Variants in PIAS4 observed in about 807,000 individuals in gnomAD.
PIAS4 encodes the protein E3 SUMO-protein ligase PIAS4.
In PIAS4, 7 loss-of-function variants were observed where a neutral mutation model predicts 58.0. The ratio of observed to expected loss-of-function variants is 0.12; its 90% CI spans 0.07 to 0.23. PIAS4 has a LOEUF of 0.23. Ranked by LOEUF, PIAS4 falls within the 10% of genes least tolerant of loss-of-function variation. PIAS4 has a pLI of 1.00. For missense variants in PIAS4, 550 were observed against 709.5 expected, an observed-to-expected ratio of 0.78 and a Z score of 2.55; for synonymous variants, 364 against 312.4, an observed-to-expected ratio of 1.17 and a Z score of -1.74.
At chr19:4,031,219 CAGA>C (rs2040219855) in intron 7 of PIAS4, among the ~76,000 whole-genome samples, 1 of 152,190 alleles carries the variant, frequency 6.6e-6, no homozygotes, top group Admixed American at 6.5e-5. Flanking sequence ...CCTGGGTGTC[CAGA>C]AGCCTGGAGC....
At chr19:4,015,857 G>A (rs756591407) in intron 2 of PIAS4, among the ~76,000 whole-genome samples, 5 of 152,228 alleles carry the variant, frequency 3.3e-5, no homozygotes, top group South Asian at 2.1e-4. Flanking sequence ...CGCGCCAGGC[G>A]GACAGGAGCC....
intron 8 of PIAS4, 68 bp from the exon 9 acceptor site, chr19:4,033,352 G>A: frequency 1.4e-6 from 2 of 1,451,970 alleles, no homozygotes; most frequent in African/African-American, 1.4e-5. Context: ...TGGAGCTGGG[G>A]GTGAGGGGCA....
At chr19:4,020,325 G>A (rs1023386653) in intron 2 of PIAS4, among the ~76,000 whole-genome samples, 1 of 152,144 alleles carries the variant, frequency 6.6e-6, no homozygotes, top group Non-Finnish European at 1.5e-5. Context: ...CCACACCACT[G>A]TGTGCACTGC....
intron 7 of PIAS4, among the ~76,000 whole-genome samples, chr19:4,031,351 G>T (rs2040221063): frequency 6.6e-6 from 1 of 152,216 alleles, no homozygotes; most frequent in East Asian, 1.9e-4. Context: ...GGACGTGGAG[G>T]GTGAGGGGTC....
Position 4,037,972 on chromosome 19 carries a change from T to C in PIAS4, c.*97T>C, listed in dbSNP as rs2040319615. On this transcript the variant is annotated 3_prime_UTR_variant, in exon 11 of 11. Coordinates refer to ENST00000262971, the MANE Select transcript of PIAS4 (RefSeq NM_015897.4). This position sits in a 1 kb window ranked among gnomAD's most constrained non-coding sequence, Gnocchi z 5.8. ...GAGGAGTGACCTTTCTTTTTCTTTT[T>C]ATTGTCGTTCGTTTTGTTTTTCCAC... is the stretch of plus-strand genomic sequence containing the variant. 2 of 1,323,150 alleles carry C rather than the reference T, an allele frequency of 1.5e-6. No individual in the cohort carries two copies. The highest frequency in any genetic ancestry group is 1.4e-5 in the South Asian group (1 of 73,278). The allele number at this position is 1,323,150 out of a possible 1,614,324, so 82.0% of individuals were successfully genotyped here. A position where few individuals can be genotyped will look rare whatever the true frequency, so the allele number is the denominator to read the frequency against.
At chr19:4,026,487 T>C (rs1340815497) in intron 3 of PIAS4, among the ~76,000 whole-genome samples, 1 of 151,864 alleles carries the variant, frequency 6.6e-6, no homozygotes, top group African/African-American at 2.4e-5. Flanking sequence ...ATATACAGTT[T>C]TTAAGGGTGT....
chr19:4,033,275 G>T, intron 8 of PIAS4, 102 bp downstream of exon 8: 1 of 1,372,310 alleles, frequency 7.3e-7, no homozygotes, highest in Non-Finnish European at 1.0e-6. Flanking sequence ...GTGAGCCTGC[G>T]GGGGCGAGGC....
At position 4,039,206 on chromosome 19, in the gene PIAS4, C is replaced by G. The variant is rs1186242358; in HGVS notation, c.*1331C>G. 1.3e-5 allele frequency: 2 copies of G among 152,176 alleles called. No individual in the cohort carries two copies. Among genetic ancestry groups the G allele is most frequent in the African/African-American group, 4.8e-5 (2 of 41,354 alleles). 9.4% of individuals were successfully genotyped at this position (152,176 alleles called of 1,614,324 possible). A position where few individuals can be genotyped will look rare whatever the true frequency, so the allele number is the denominator to read the frequency against. Reference sequence around the variant, plus strand: ...GTCAGGAAGCAATATCATTTCAGGTCTAAAGAAAGGGACGTGCATCTGGCC... The same window carrying G: ...GTCAGGAAGCAATATCATTTCAGGTGTAAAGAAAGGGACGTGCATCTGGCC... On this transcript the variant is annotated 3_prime_UTR_variant, in exon 11 of 11. Transcript: ENST00000262971.
Position 4,037,277 on chromosome 19 carries a change from G to A in PIAS4, c.1143-97G>A. 6.9e-7 allele frequency: 1 copy of A among 1,445,012 alleles called. No individual in the cohort carries two copies. Among genetic ancestry groups the A allele is most frequent in the Non-Finnish European group, 9.3e-7 (1 of 1,074,756 alleles). The allele number at this position is 1,445,012 out of a possible 1,614,324, so 89.5% of individuals were successfully genotyped here. On this transcript the variant is annotated intron_variant, in intron 9 of 10. Transcript: ENST00000262971. This position sits in a 1 kb window ranked among gnomAD's most constrained non-coding sequence, Gnocchi z 5.8. ...TGAGGCTGCTCTTGCAGAGAGAAGT[G>A]GGGAGTGCCTGGCTGCATCCGGGAG...
At chr19:4,015,379 G>A (rs761150664) in intron 2 of PIAS4, among the ~76,000 whole-genome samples, 1 of 152,134 alleles carries the variant, frequency 6.6e-6, no homozygotes, top group Admixed American at 6.5e-5. Context: ...CAGGGACCCC[G>A]GTCACCTGAT....
At chr19:4,036,013 T>TCA (rs146232483) in intron 9 of PIAS4, among the ~76,000 whole-genome samples, 1 of 6,470 alleles carries the variant, frequency 1.5e-4, no homozygotes, top group African/African-American at 4.4e-4. Context: ...GTCCACACCT[T>TCA]CACACATCCA....
Position 4,027,653 on chromosome 19 carries a change from TG to T in PIAS4, c.540-490del, listed in dbSNP as rs377169618. Among the ~76,000 whole-genome samples, 655 of 147,500 alleles carry T rather than the reference TG, an allele frequency of 4.4e-3. 4 individuals carry two copies. Among genetic ancestry groups the T allele is most frequent in the African/African-American group, 0.016 (636 of 40,344 alleles). On this transcript the variant is annotated intron_variant, in intron 3 of 10. Transcript: ENST00000262971. ...TCATAGCTTGCAGCCTGTGCCTCCATGGGTTCAGACGATCCCCCTGCCTCAG... is the reference window on the plus strand; with the variant it reads ...TCATAGCTTGCAGCCTGTGCCTCCATGGTTCAGACGATCCCCCTGCCTCAG...
intron 7 of PIAS4, among the ~76,000 whole-genome samples, chr19:4,029,347 CAG>C (rs2040200370): frequency 6.6e-6 from 1 of 152,160 alleles, no homozygotes; most frequent in African/African-American, 2.4e-5. Flanking sequence ...CGGGACAGCA[CAG>C]AGGCCGGGAG....
At chr19:4,016,737 C>T (rs1428176552) in intron 2 of PIAS4, among the ~76,000 whole-genome samples, 1 of 152,156 alleles carries the variant, frequency 6.6e-6, no homozygotes, top group Non-Finnish European at 1.5e-5. Context: ...GTATTCCAGG[C>T]AGAGGGCAGT....
At chr19:4,024,956 G>C (rs915379563) in intron 3 of PIAS4, among the ~76,000 whole-genome samples, 28 of 152,156 alleles carry the variant, frequency 1.8e-4, no homozygotes, top group African/African-American at 6.5e-4. Flanking sequence ...GTAGAGATAG[G>C]GTTTTGCCAT....
At chr19:4,027,948 A>G (rs1171009589) in intron 3 of PIAS4, among the ~76,000 whole-genome samples, 198 bp from the exon 4 acceptor site, 1 of 151,900 alleles carries the variant, frequency 6.6e-6, no homozygotes, top group Non-Finnish European at 1.5e-5. Flanking sequence ...TGCATTTTCC[A>G]GGGAGGCCAG....
rs776478220 is a variant in PIAS4 at position 4,013,162 on chromosome 19, C to G, written c.267C>G (p.Thr89=). 1.1e-5 allele frequency: 18 copies of G among 1,613,462 alleles called. No individual in the cohort carries two copies. The highest frequency in any genetic ancestry group is 1.5e-5 in the Non-Finnish European group (18 of 1,180,014). ...RPLDPLTMHS[T]YDRAGAVPRT... is the part of the protein sequence containing the mutation. ...TGGACCCCCTGACCATGCACTCCAC[C>G]TACGACCGGGCCGGCGCTGTGCCCA... is the stretch of plus-strand genomic sequence containing the variant. The change falls in exon 2 of 11, where the codon ACC becomes ACG. Residue 89 remains threonine, a synonymous_variant. Coordinates refer to ENST00000262971, the MANE Select transcript of PIAS4 (RefSeq NM_015897.4). The surrounding 1 kb of genome is among the most constrained non-coding windows in gnomAD (Gnocchi z 5.1).
chr19:4,030,478 G>A (rs1213610407), intron 7 of PIAS4, among the ~76,000 whole-genome samples: 1 of 152,004 alleles, frequency 6.6e-6, no homozygotes, highest in Non-Finnish European at 1.5e-5. Flanking sequence ...AATTAGCCAG[G>A]CGTGGTGGCA....
At position 4,028,611 on chromosome 19, in the gene PIAS4, C is replaced by G; in HGVS notation, c.672+11C>G. 1 of 1,611,872 alleles carries G rather than the reference C, an allele frequency of 6.2e-7. No individual in the cohort carries two copies. The highest frequency in any genetic ancestry group is 1.1e-5 in the South Asian group (1 of 90,976). On this transcript the variant is annotated intron_variant, in intron 5 of 10. Transcript: ENST00000262971. ...TACTGCTCCGTCCCGGTGAGCATGC[C>G]CCGCCCCCGCGTCGGCTGCACGGGT... is the stretch of plus-strand genomic sequence containing the variant.
Sources: allele counts gnomAD v4.1 joint callset (sites outside exome capture counted in the v4.1 genomes callset), GRCh38; gene constraint gnomAD v4.1.1; non-coding constraint Gnocchi (gnomAD v3.1); transcripts MANE v1.5; gene names NCBI Gene and HGNC (gene_info 2026-07-23, HGNC 2026-07-21).